Variants in AUTS2 observed in about 807,000 individuals in gnomAD.
AUTS2 encodes the protein activator of transcription and developmental regulator AUTS2, also known as autism susceptibility gene 2 protein.
In AUTS2, 17 loss-of-function variants were observed where a neutral mutation model predicts 112.4. The observed-to-expected ratio is 0.15, with a 90% CI of 0.10 to 0.23. AUTS2 has a LOEUF of 0.23. Among genes scored for constraint, AUTS2 ranks in the 10% least tolerant of loss-of-function variants. AUTS2 has a pLI of 1.00. For synonymous variants in AUTS2, 751 were observed against 702.7 expected, an observed-to-expected ratio of 1.07 and a Z score of -1.09; for missense variants, 1,510 against 1,701.6, an observed-to-expected ratio of 0.89 and a Z score of 1.98.
At chr7:70,407,127 C>T (rs893251466) in intron 4 of AUTS2, among the ~76,000 whole-genome samples, 4 of 152,256 alleles carry the variant, frequency 2.6e-5, no homozygotes, top group Admixed American at 1.3e-4. Flanking sequence ...CATTTTGAGG[C>T]GGACCCAGTT....
chr7:70,543,244 G>A (rs191914410), intron 5 of AUTS2, among the ~76,000 whole-genome samples: 76 of 152,276 alleles, frequency 5.0e-4, no homozygotes, highest in African/African-American at 1.8e-3. Context: ...GCTAATGCTT[G>A]TAACCCCAGC....
At chr7:69,999,254 C>T (rs1799080509) in intron 2 of AUTS2, among the ~76,000 whole-genome samples, 1 of 152,086 alleles carries the variant, frequency 6.6e-6, no homozygotes, top group African/African-American at 2.4e-5. Flanking sequence ...ACACTGATTG[C>T]TAGGTGTAGA....
At chr7:70,111,500 A>G (rs1209661777) in intron 2 of AUTS2, among the ~76,000 whole-genome samples, 1 of 152,224 alleles carries the variant, frequency 6.6e-6, no homozygotes, top group Non-Finnish European at 1.5e-5. Context: ...AATCATCACC[A>G]TACAACATTG....
intron 1 of AUTS2, among the ~76,000 whole-genome samples, chr7:69,833,804 G>A (rs1402064364): frequency 3.9e-5 from 6 of 152,100 alleles, no homozygotes; most frequent in African/African-American, 1.4e-4. Context: ...TCTTTGAAAA[G>A]TTCATATTCC....
chr7:70,218,843 G>A (rs1209209441), intron 4 of AUTS2, among the ~76,000 whole-genome samples: 1 of 151,924 alleles, frequency 6.6e-6, no homozygotes, highest in African/African-American at 2.4e-5. Context: ...CCAGAACTGG[G>A]AAAACAGTGC....
At chr7:69,730,563 A>G (rs555419772) in intron 1 of AUTS2, among the ~76,000 whole-genome samples, 1 of 152,360 alleles carries the variant, frequency 6.6e-6, no homozygotes, top group Admixed American at 6.5e-5. Flanking sequence ...CCAGTACTCC[A>G]ATCTCAGCTT....
intron 1 of AUTS2, among the ~76,000 whole-genome samples, chr7:69,840,386 T>C (rs913474735): frequency 2.0e-5 from 3 of 152,206 alleles, no homozygotes; most frequent in African/African-American, 4.8e-5. Context: ...ATGTCTGATA[T>C]CTGTAGAGGA....
In AUTS2 at chr7:70,014,808, C is replaced by T. The variant is rs533959290; in HGVS notation, c.523-103324C>T. ...ACAGGATGTTTGAGAATACTGTCCC[C>T]CAGAATACTCATCTGGTACACTGGA... On this transcript the variant is annotated intron_variant, in intron 2 of 18. Coordinates refer to ENST00000342771, the MANE Select transcript of AUTS2 (RefSeq NM_015570.4). Among the ~76,000 whole-genome samples, 7 of 152,292 alleles carry T rather than the reference C, an allele frequency of 4.6e-5. No homozygotes were observed. The East Asian group carries it at 1.4e-3, about 29-fold the overall frequency.
chr7:69,784,484 G>A (rs1789279142), intron 1 of AUTS2, among the ~76,000 whole-genome samples: 1 of 152,190 alleles, frequency 6.6e-6, no homozygotes, highest in Non-Finnish European at 1.5e-5. Flanking sequence ...GGAGTCTGAG[G>A]GGCTTCTGAC....
chr7:69,908,717 G>A (rs1381439039), intron 2 of AUTS2, among the ~76,000 whole-genome samples: 2 of 152,200 alleles, frequency 1.3e-5, no homozygotes, highest in African/African-American at 4.8e-5. Context: ...CTCAGGAAGT[G>A]TTTGCTCATA....
rs1198998276 is a variant in AUTS2 at position 69,666,903 on chromosome 7, A to G, written c.309+66941A>G. Among the ~76,000 whole-genome samples the G allele has an allele frequency of 2.6e-5, 4 of 152,266 alleles. No homozygotes were observed. The East Asian group carries it at 7.7e-4, about 29-fold the overall frequency. On this transcript the variant is annotated intron_variant, in intron 1 of 18. Coordinates refer to ENST00000342771, the MANE Select transcript of AUTS2 (RefSeq NM_015570.4). ...GGCGAGAGAGTGAGACTCTATCCCCAAAAACAAAACAAAACAAAATACAGT... is the reference window on the plus strand; with the variant it reads ...GGCGAGAGAGTGAGACTCTATCCCCGAAAACAAAACAAAACAAAATACAGT...
At chr7:69,640,735 A>G (rs1210964218) in intron 1 of AUTS2, among the ~76,000 whole-genome samples, 3 of 152,198 alleles carry the variant, frequency 2.0e-5, no homozygotes, top group Non-Finnish European at 4.4e-5. Flanking sequence ...CCACTCTCCC[A>G]TGACACACTT....
intron 1 of AUTS2, among the ~76,000 whole-genome samples, chr7:69,694,212 A>C (rs915245217): frequency 2.6e-5 from 4 of 152,216 alleles, no homozygotes; most frequent in African/African-American, 9.7e-5. Context: ...TTGAGTATTC[A>C]TTAAAAACAA....
At chr7:70,372,236 C>T (rs1037958541) in intron 4 of AUTS2, among the ~76,000 whole-genome samples, 3 of 152,206 alleles carry the variant, frequency 2.0e-5, no homozygotes, top group South Asian at 4.1e-4. Context: ...CTGATGCCAA[C>T]CTGGCCAGAG....
chr7:70,467,346 T>C (rs1464409911), intron 5 of AUTS2, among the ~76,000 whole-genome samples: 6 of 152,194 alleles, frequency 3.9e-5, no homozygotes, highest in Non-Finnish European at 8.8e-5. Context: ...GGGTTTAAGC[T>C]TCAGACTCCA....
chr7:70,357,400 A>G (rs1484129262), intron 4 of AUTS2, among the ~76,000 whole-genome samples: 1 of 152,318 alleles, frequency 6.6e-6, no homozygotes, highest in African/African-American at 2.4e-5. Flanking sequence ...TTTAAAACCT[A>G]TAATGATGTC....
In AUTS2 at chr7:70,453,887, G is replaced by A. The variant is rs555612968; in HGVS notation, c.690+18106G>A. Among the ~76,000 whole-genome samples, 23 of 152,236 alleles carry A rather than the reference G, an allele frequency of 1.5e-4. No individual in the cohort carries two copies. The South Asian group carries it at 4.1e-3, about 27-fold the overall frequency. On this transcript the variant is annotated intron_variant, in intron 5 of 18. Transcript: ENST00000342771. ...TTTTTCCTTGTAAGGTAACATTTGC[G>A]GGCCTTACAAAACACATTCAAGGCA...
intron 5 of AUTS2, among the ~76,000 whole-genome samples, chr7:70,574,354 C>T (rs774535183): frequency 6.6e-6 from 1 of 152,202 alleles, no homozygotes; most frequent in African/African-American, 2.4e-5. Context: ...CATGTGCCAA[C>T]GATCTTTGAA....
rs77077044 is a variant in AUTS2, at chr7:70,174,209, T to A, written c.660+39638T>A. ...TGCTGATATGGAGAAATTTTAGGAGTCTTGATGGGAGATGAAACCAGTTAC... is the reference window on the plus strand; with the variant it reads ...TGCTGATATGGAGAAATTTTAGGAGACTTGATGGGAGATGAAACCAGTTAC... On this transcript the variant is annotated intron_variant, in intron 4 of 18. Coordinates refer to ENST00000342771, the MANE Select transcript of AUTS2 (RefSeq NM_015570.4). 7.0e-3 allele frequency among the ~76,000 whole-genome samples: 1,061 copies of A among 151,974 alleles called. 42 individuals carry two copies. In the East Asian group the frequency reaches 0.1, roughly 14 times the overall value.
Sources: allele counts gnomAD v4.1 joint callset (sites outside exome capture counted in the v4.1 genomes callset), GRCh38; gene constraint gnomAD v4.1.1; transcripts MANE v1.5; gene names NCBI Gene and HGNC (gene_info 2026-07-23, HGNC 2026-07-21).